The following CUX1 variants were observed in gnomAD, a reference collection of about 807,000 sequenced individuals.
CUX1 encodes cut like homeobox 1, also known as protein CASP.
CUX1 carries 31 observed loss-of-function variants against 158.8 expected under a neutral mutation model. That is an observed-to-expected ratio of 0.20 (90% CI 0.15 to 0.26). The LOEUF (loss-of-function observed/expected upper bound fraction) is 0.26, where lower values mean the gene tolerates loss of function less well. CUX1 is among the 10% of genes least tolerant of loss of function. The probability of loss-of-function intolerance (pLI) is 1.00; values close to 1 mark genes in which losing one functional copy is unlikely to be tolerated. For missense variants in CUX1, 1,589 were observed against 2,014.6 expected (o/e 0.79, Z 4.04); for synonymous variants, 879 against 862.1 (o/e 1.02, Z -0.34).
intron 1 of CUX1, among the ~76,000 whole-genome samples, chr7:101,855,535 G>A (rs1052042075): frequency 1.3e-5 from 2 of 152,190 alleles, no homozygotes; most frequent in Non-Finnish European, 1.5e-5. Flanking sequence ...TTTTAGAATT[G>A]AGTTACAACA....
chr7:102,281,934 C>G (rs377634809), intron 21 of CUX1: 1 of 1,584,418 alleles, frequency 6.3e-7, no homozygotes, highest in Non-Finnish European at 8.7e-7. Flanking sequence ...AGTGTGCACA[C>G]GGGCGGGCCA....
At chr7:101,939,460 A>G (rs1807427122) in intron 2 of CUX1, among the ~76,000 whole-genome samples, 1 of 151,946 alleles carries the variant, frequency 6.6e-6, no homozygotes, top group Non-Finnish European at 1.5e-5. Flanking sequence ...ACAGCCCCAC[A>G]CCTAACCCTC....
chr7:101,923,238 A>G (rs1389981187), intron 2 of CUX1, among the ~76,000 whole-genome samples: 3 of 152,190 alleles, frequency 2.0e-5, no homozygotes, highest in Admixed American at 2.0e-4. Flanking sequence ...GCCTGGCTTC[A>G]GGGCTCTGCT....
chr7:101,988,436 C>A (rs1814622550), intron 2 of CUX1, among the ~76,000 whole-genome samples: 1 of 152,044 alleles, frequency 6.6e-6, no homozygotes, highest in South Asian at 2.1e-4. Context: ...GGCTGTGGGC[C>A]TCTCGGGTGC....
chr7:101,933,774 G>A (rs188266252), intron 2 of CUX1, among the ~76,000 whole-genome samples: 38 of 152,160 alleles, frequency 2.5e-4, no homozygotes, highest in Middle Eastern at 3.4e-3. Context: ...TGGTTTGTTC[G>A]CATACTTGTG....
At chr7:102,185,048 G>A (rs1793489064) in intron 11 of CUX1, among the ~76,000 whole-genome samples, 1 of 152,188 alleles carries the variant, frequency 6.6e-6, no homozygotes, top group Admixed American at 6.5e-5. Context: ...CAGGGCACAT[G>A]TGCTCTTTCT....
Position 102,250,043 on chromosome 7 carries a change from C to CA in CUX1, c.*1009dup, listed in dbSNP as rs782065044. 8.1e-4 allele frequency: 728 copies of CA among 895,734 alleles called. No individual in the cohort carries two copies. Among genetic ancestry groups the CA allele is most frequent in the Admixed American group, 1.4e-3 (10 of 7,364 alleles). The allele number at this position is 895,734 out of a possible 1,614,324, so 55.5% of individuals were successfully genotyped here. A position where few individuals can be genotyped will look rare whatever the true frequency, so the allele number is the denominator to read the frequency against. ...CACTCCATTCTAGGCCAAATCAGGA[C>CA]AAAAAAAAGAAAAAAAAAGAAAAAA... is the stretch of plus-strand genomic sequence containing the variant. On this transcript the variant is annotated 3_prime_UTR_variant, in exon 24 of 24. Transcript: ENST00000292535.
At chr7:101,853,576 A>G (rs1159864483) in intron 1 of CUX1, among the ~76,000 whole-genome samples, 1 of 136,500 alleles carries the variant, frequency 7.3e-6, no homozygotes, top group African/African-American at 3.2e-5. Context: ...GAGCATGGCA[A>G]TAGAAAGGGT....
chr7:101,835,613 A>G (rs1293618169), intron 1 of CUX1, among the ~76,000 whole-genome samples: 4 of 152,052 alleles, frequency 2.6e-5, no homozygotes, highest in Admixed American at 2.6e-4. Context: ...TATGGGGTAC[A>G]TGAGATGTTT....
At chr7:102,115,110 A>G (rs879996905) in intron 7 of CUX1, 97 bp from the exon 8 acceptor site, 1 of 1,076,074 alleles carries the variant, frequency 9.3e-7, no homozygotes, top group East Asian at 2.5e-5. Flanking sequence ...CTCGCTCCTC[A>G]CAGAAATCTT....
At chr7:102,078,125 A>G (rs782019313) in intron 4 of CUX1, among the ~76,000 whole-genome samples, 3 of 152,060 alleles carry the variant, frequency 2.0e-5, no homozygotes, top group Non-Finnish European at 2.9e-5. Context: ...CTGTTGCCCA[A>G]CCTGGAGTGC....
In CUX1 at chr7:102,197,062, A is replaced by C. The variant is rs781897272; in HGVS notation, c.1651A>C (p.Met551Leu). 1.9e-6 allele frequency: 3 copies of C among 1,614,104 alleles called. No homozygotes were observed. Among genetic ancestry groups the C allele is most frequent in the Non-Finnish European group, 2.5e-6 (3 of 1,180,044 alleles). The change falls in exon 15 of 24, where the codon ATG becomes CTG. Residue 551 changes from methionine to leucine, a missense_variant. Met to Leu is a conservative substitution (Grantham distance 15, BLOSUM62 2). Transcript: ENST00000292535. ...TGGGAGCGTCTCCGAGGGCGAGGAG[A>C]TGGACACTGCAGAAATCGCCCGGCA... The part of the protein sequence containing the change: ...SAGSVSEGEE[M>L]DTAEIARQVK...
At chr7:102,263,976 G>T (rs1182440195) in intron 14 of CUX1, among the ~76,000 whole-genome samples, 1 of 146,740 alleles carries the variant, frequency 6.8e-6, no homozygotes, top group Non-Finnish European at 1.5e-5. Flanking sequence ...ACAGGCATGA[G>T]CCACTATTCC....
intron 12 of CUX1, among the ~76,000 whole-genome samples, chr7:102,191,438 G>T (rs1794262777): frequency 6.6e-6 from 1 of 151,990 alleles, no homozygotes; most frequent in East Asian, 1.9e-4. Context: ...TCTCCATGTT[G>T]GTCAGGCTGG....
chr7:101,932,053 G>A (rs927748618), intron 2 of CUX1, among the ~76,000 whole-genome samples: 3 of 152,200 alleles, frequency 2.0e-5, no homozygotes, highest in Non-Finnish European at 2.9e-5. Flanking sequence ...CTGGTTCATT[G>A]TGTGGGATAC....
At chr7:102,273,480 G>A (rs782468206) in exon 15 of CUX1, 19 of 1,611,258 alleles carry the variant, frequency 1.2e-5, no homozygotes, top group Middle Eastern at 1.6e-4. Context: ...TCCATCCAGC[G>A]GCCCGATGCC....
At chr7:102,074,004 C>T (rs1171709088) in intron 4 of CUX1, among the ~76,000 whole-genome samples, 1 of 152,216 alleles carries the variant, frequency 6.6e-6, no homozygotes, top group Non-Finnish European at 1.5e-5. Context: ...TAACAAGTTA[C>T]TTGCAAAGCA....
At chr7:101,959,821 CTGTT>C (rs1810249224) in intron 2 of CUX1, among the ~76,000 whole-genome samples, 2 of 152,172 alleles carry the variant, frequency 1.3e-5, no homozygotes, top group South Asian at 2.1e-4. Context: ...TACATATTCT[CTGTT>C]TGGACATGGT....
chr7:102,277,905 C>T (rs995166240), intron 17 of CUX1: 1 of 1,211,156 alleles, frequency 8.3e-7, no homozygotes, highest in Non-Finnish European at 1.2e-6. Flanking sequence ...TGTGCCAGCA[C>T]GGAGGCCTCT....
Sources: allele counts gnomAD v4.1 joint callset (sites outside exome capture counted in the v4.1 genomes callset), GRCh38; gene constraint gnomAD v4.1.1; transcripts MANE v1.5; gene names NCBI Gene and HGNC (gene_info 2026-07-23, HGNC 2026-07-21).